Variants in NPR3 observed in about 807,000 individuals in gnomAD.
NPR3 encodes atrial natriuretic peptide receptor 3.
NPR3 carries 34 observed loss-of-function variants against 54.5 expected under a neutral mutation model. The observed-to-expected ratio is 0.62, with a 90% CI of 0.47 to 0.83. NPR3 has a LOEUF of 0.83. NPR3 is among the 40% of genes least tolerant of loss of function. The probability of loss-of-function intolerance (pLI) is 0.00; values close to 1 mark genes in which losing one functional copy is unlikely to be tolerated. For synonymous variants in NPR3, 289 were observed against 297.1 expected, an observed-to-expected ratio of 0.97 and a Z score of 0.28; for missense variants, 674 against 720.8, an observed-to-expected ratio of 0.94 and a Z score of 0.74.
Position 32,723,949 on chromosome 5 carries a change from C to A in NPR3, c.770-749C>A, listed in dbSNP as rs541242121. Among the ~76,000 whole-genome samples the A allele has an allele frequency of 2.6e-5, 4 of 152,060 alleles. No homozygotes were observed. In the East Asian group the frequency reaches 7.8e-4, roughly 29 times the overall value. ...ATCTACCTATCATCTATCAATCAATCAATATATGTGTACATATACATACAC... is the reference window on the plus strand; with the variant it reads ...ATCTACCTATCATCTATCAATCAATAAATATATGTGTACATATACATACAC... On this transcript the variant is annotated intron_variant, in intron 1 of 7. Coordinates refer to ENST00000265074, the MANE Select transcript of NPR3 (RefSeq NM_001204375.2).
chr5:32,733,242 C>T (rs896152921), intron 2 of NPR3, among the ~76,000 whole-genome samples: 1 of 151,990 alleles, frequency 6.6e-6, no homozygotes, highest in Non-Finnish European at 1.5e-5. Flanking sequence ...ATTGTTTGGT[C>T]TTGGTGAGCA....
At chr5:32,704,245 C>A (rs563967064) in intron 1 of NPR3, among the ~76,000 whole-genome samples, 3 of 152,260 alleles carry the variant, frequency 2.0e-5, no homozygotes, top group African/African-American at 7.2e-5. Context: ...GGAAGGTTGG[C>A]ATTGGCAATT....
chr5:32,773,830 A>G (rs1741895538), intron 3 of NPR3, among the ~76,000 whole-genome samples: 1 of 152,228 alleles, frequency 6.6e-6, no homozygotes, highest in African/African-American at 2.4e-5. Flanking sequence ...ATAATACCAA[A>G]CATTTTATTT....
chr5:32,691,473 CA>C (rs1018134196), intron 1 of NPR3, among the ~76,000 whole-genome samples: 1 of 152,186 alleles, frequency 6.6e-6, no homozygotes, highest in African/African-American at 2.4e-5. Flanking sequence ...AACTTATGTT[CA>C]AACTCTCGCT....
Position 32,782,898 on chromosome 5 carries a change from T to C in NPR3, c.1296T>C (p.Ile432=). 1 of 1,611,178 alleles carries C rather than the reference T, an allele frequency of 6.2e-7. No individual in the cohort carries two copies. The highest frequency in any genetic ancestry group is 8.5e-7 in the Non-Finnish European group (1 of 1,178,530). Residue 432 remains isoleucine (I), a synonymous_variant, in exon 6 of 8, where the codon ATT becomes ATC. Transcript: ENST00000265074. The part of the protein sequence containing the change: ...TDVEAGTQEV[I]GDYFGKEGRF... Reference sequence around the variant, plus strand: ...TGTTTTTTGCCTCTATATAGGTTATTGGTGATTATTTTGGAAAAGAAGGTC... The same window carrying C: ...TGTTTTTTGCCTCTATATAGGTTATCGGTGATTATTTTGGAAAAGAAGGTC...
At chr5:32,698,911 T>G (rs1740600033) in intron 1 of NPR3, among the ~76,000 whole-genome samples, 1 of 151,588 alleles carries the variant, frequency 6.6e-6, no homozygotes, top group African/African-American at 2.4e-5. Context: ...GATCTTGTCT[T>G]TTTAAATCCA....
chr5:32,776,993 C>T (rs910082945), intron 4 of NPR3, among the ~76,000 whole-genome samples: 8 of 152,052 alleles, frequency 5.3e-5, no homozygotes, highest in East Asian at 1.9e-4. Flanking sequence ...GAATGGCAAA[C>T]GTGGAGATCC....
chr5:32,746,563 T>C (rs1740312751), intron 3 of NPR3, among the ~76,000 whole-genome samples: 1 of 152,254 alleles, frequency 6.6e-6, no homozygotes, highest in South Asian at 2.1e-4. Flanking sequence ...TTATCTTACA[T>C]GATAAAAACC....
intron 3 of NPR3, among the ~76,000 whole-genome samples, chr5:32,765,670 C>A (rs754786608): frequency 6.6e-6 from 1 of 152,140 alleles, no homozygotes; most frequent in South Asian, 2.1e-4. Flanking sequence ...CAAATTTTCA[C>A]TGAGTGCAGT....
chr5:32,724,452 A>G (rs1310397042), intron 1 of NPR3, among the ~76,000 whole-genome samples: 1 of 152,130 alleles, frequency 6.6e-6, no homozygotes, highest in African/African-American at 2.4e-5. Flanking sequence ...TGGTCCTCAA[A>G]GTGTTATTCC....
At chr5:32,757,932 T>C (rs1740934499) in intron 3 of NPR3, among the ~76,000 whole-genome samples, 1 of 152,230 alleles carries the variant, frequency 6.6e-6, no homozygotes. Flanking sequence ...GAACCAGTCT[T>C]GCATCCCAGG....
upstream of NPR3, chr5:32,710,651 A>T: frequency 6.7e-7 from 1 of 1,497,972 alleles, no homozygotes; most frequent in African/African-American, 1.4e-5. Flanking sequence ...AGCCGGGCAC[A>T]CCAGGTCCGC....
In NPR3 at chr5:32,711,885, G is replaced by C. The variant is rs1738260265; in HGVS notation, c.109G>C (p.Gly37Arg). 1 of 1,474,292 alleles carries C rather than the reference G, an allele frequency of 6.8e-7. No homozygotes were observed. Among genetic ancestry groups the C allele is most frequent in the Non-Finnish European group, 9.0e-7 (1 of 1,114,470 alleles). 91.3% of individuals were successfully genotyped at this position (1,474,292 alleles called of 1,614,324 possible). Reference sequence around the variant, plus strand: ...CGTTGGCGGCGGCGGCGGTGGCGCGGGCATAGGCGGCGGACGCCAGGAGAG... The same window carrying C: ...CGTTGGCGGCGGCGGCGGTGGCGCGCGCATAGGCGGCGGACGCCAGGAGAG... ...GGVGGGGGGA[G>R]IGGGRQEREA... The change falls in exon 1 of 8, where the codon GGC becomes CGC. Residue 37 changes from glycine to arginine, a missense_variant. By Grantham distance (125) the Gly-to-Arg change is moderately radical (BLOSUM62 -2). Transcript: ENST00000265074.
upstream of NPR3, among the ~76,000 whole-genome samples, chr5:32,706,652 C>T (rs920966603): frequency 1.3e-5 from 2 of 152,186 alleles, no homozygotes; most frequent in African/African-American, 4.8e-5. Context: ...TCATTTCTGT[C>T]ATCAAACAAA....
intron 4 of NPR3, 130 bp from the exon 5 acceptor site, chr5:32,780,591 TC>T: frequency 1.4e-6 from 1 of 705,814 alleles, no homozygotes; most frequent in South Asian, 1.5e-5. Context: ...ACAAAAATGC[TC>T]AGAGTCTGAT....
intron 2 of NPR3, among the ~76,000 whole-genome samples, chr5:32,728,530 T>C (rs1739252193): frequency 6.6e-6 from 1 of 151,738 alleles, no homozygotes; most frequent in Non-Finnish European, 1.5e-5. Context: ...CAGGTTCTTA[T>C]TAGCTTTATA....
In NPR3 at chr5:32,711,773, C is replaced by T. The variant is rs1283696609; in HGVS notation, c.-4C>T. 4.9e-5 allele frequency: 69 copies of T among 1,418,974 alleles called. No individual in the cohort carries two copies. The highest frequency in any genetic ancestry group is 6.3e-5 in the Non-Finnish European group (68 of 1,086,178). 87.9% of individuals were successfully genotyped at this position (1,418,974 alleles called of 1,614,324 possible). A position where few individuals can be genotyped will look rare whatever the true frequency, so the allele number is the denominator to read the frequency against. On this transcript the variant is annotated 5_prime_UTR_variant, in exon 1 of 8. Coordinates refer to ENST00000265074, the MANE Select transcript of NPR3 (RefSeq NM_001204375.2). ...GGCGAGGGCAAGCTCTTTCTTGCGG[C>T]ACGATGCCGTCTCTGCTGGTGCTCA... is the stretch of plus-strand genomic sequence containing the variant.
Position 32,789,694 on chromosome 5 carries a change from T to C in NPR3, c.*3349T>C, listed in dbSNP as rs1179871576. The C allele has an allele frequency of 1.9e-6, 1 of 534,600 alleles. No homozygotes were observed. The highest frequency in any genetic ancestry group is 3.8e-6 in the Non-Finnish European group (1 of 260,092). 33.1% of individuals were successfully genotyped at this position (534,600 alleles called of 1,614,324 possible). On this transcript the variant is annotated 3_prime_UTR_variant, in exon 8 of 8. Coordinates refer to ENST00000265074, the MANE Select transcript of NPR3 (RefSeq NM_001204375.2). ...CTTTGCCCCAAATGCATCACTTTCC[T>C]TTTAGTTATGGCTGATTTTGGGTGT...
intron 3 of NPR3, among the ~76,000 whole-genome samples, chr5:32,755,768 C>T (rs1356591879): frequency 2.0e-5 from 3 of 152,210 alleles, no homozygotes; most frequent in African/African-American, 7.2e-5. Flanking sequence ...AGTTCTATAC[C>T]TACATTGCCG....
Sources: gnomAD v4.1 joint callset for allele counts (sites outside exome capture counted in the v4.1 genomes callset) on GRCh38, gnomAD v4.1.1 for gene constraint, MANE v1.5 for transcripts, NCBI Gene and HGNC (gene_info 2026-07-23, HGNC 2026-07-21) for gene names.